Variants in TGFB2 observed in about 807,000 individuals in gnomAD.
TGFB2 encodes transforming growth factor beta 2, also known as transforming growth factor beta-2 proprotein.
Under a neutral mutation model 42.7 loss-of-function variants are expected in TGFB2, and 13 were observed. The ratio of observed to expected loss-of-function variants is 0.30; its 90% CI spans 0.20 to 0.48. TGFB2 has a LOEUF of 0.48. Among genes scored for constraint, TGFB2 ranks in the 20% least tolerant of loss-of-function variants. TGFB2 has a pLI of 0.99. For synonymous variants in TGFB2, 193 were observed against 193.6 expected (o/e 1.00, Z 0.03); for missense variants, 390 against 517.5 (o/e 0.75, Z 2.39).
chr1:218,368,696 T>G (rs1236091381), intron 1 of TGFB2, among the ~76,000 whole-genome samples: 2 of 152,208 alleles, frequency 1.3e-5, no homozygotes, highest in East Asian at 3.9e-4. Context: ...AGGGAGTGCA[T>G]GTAAGCAGAC....
chr1:218,370,084 A>G (rs777322656), intron 1 of TGFB2, among the ~76,000 whole-genome samples: 2 of 152,220 alleles, frequency 1.3e-5, no homozygotes, highest in Non-Finnish European at 2.9e-5. Context: ...GGGAGCCTGC[A>G]CTTAGTGAGG....
At chr1:218,417,123 G>A (rs1045002326) in intron 2 of TGFB2, among the ~76,000 whole-genome samples, 5 of 152,224 alleles carry the variant, frequency 3.3e-5, no homozygotes, top group Non-Finnish European at 7.3e-5. Context: ...TGGGTAACGA[G>A]CAGAGGTTAA....
At chr1:218,374,550 C>T (rs1657680751) in intron 1 of TGFB2, among the ~76,000 whole-genome samples, 1 of 152,186 alleles carries the variant, frequency 6.6e-6, no homozygotes, top group African/African-American at 2.4e-5. Context: ...CTAAACATAG[C>T]AATATTAGTA....
chr1:218,358,832 G>A (rs947829259), intron 1 of TGFB2, among the ~76,000 whole-genome samples: 1 of 151,998 alleles, frequency 6.6e-6, no homozygotes, highest in South Asian at 2.1e-4. Context: ...GTGAGCCACC[G>A]CACCCAGCAG....
At chr1:218,371,604 C>A (rs1266930883) in intron 1 of TGFB2, among the ~76,000 whole-genome samples, 1 of 152,104 alleles carries the variant, frequency 6.6e-6, no homozygotes, top group Non-Finnish European at 1.5e-5. Context: ...TTATGTATGT[C>A]CGGCAGACTC....
At position 218,441,269 on chromosome 1, in the gene TGFB2, T is replaced by C. The variant is rs1273436700; in HGVS notation, c.1152T>C (p.Asp384=). Residue 384 remains aspartate (D), a synonymous_variant, in exon 7 of 7, where the codon GAT becomes GAC. Coordinates refer to ENST00000366930, the MANE Select transcript of TGFB2 (RefSeq NM_003238.6). ...ASASPCCVSQ[D]LEPLTILYYI... ...CTTCTCCTTGCTGCGTGTCCCAAGATTTAGAACCTCTAACCATTCTCTACT... is the reference window on the plus strand; with the variant it reads ...CTTCTCCTTGCTGCGTGTCCCAAGACTTAGAACCTCTAACCATTCTCTACT... 2 of 1,613,840 alleles carry C rather than the reference T, an allele frequency of 1.2e-6. No individual in the cohort carries two copies. The highest frequency in any genetic ancestry group is 2.7e-5 in the African/African-American group (2 of 74,918).
chr1:218,395,411 G>C (rs1252138869), intron 1 of TGFB2, among the ~76,000 whole-genome samples: 1 of 152,100 alleles, frequency 6.6e-6, no homozygotes, highest in Non-Finnish European at 1.5e-5. Flanking sequence ...TATTTTATTT[G>C]TATTTTGTTG....
intron 1 of TGFB2, among the ~76,000 whole-genome samples, chr1:218,379,467 T>C (rs975552649): frequency 8.0e-6 from 1 of 124,412 alleles, no homozygotes; most frequent in African/African-American, 2.9e-5. Context: ...TTTTATTTCT[T>C]TTTCTTTCTT....
At chr1:218,358,557 T>TC (rs1657109725) in intron 1 of TGFB2, among the ~76,000 whole-genome samples, 1 of 150,546 alleles carries the variant, frequency 6.6e-6, no homozygotes, top group Non-Finnish European at 1.5e-5. Context: ...TCTTTTTTTT[T>TC]TTTTTTTTTG....
chr1:218,422,246 C>A (rs1489853668), intron 2 of TGFB2, among the ~76,000 whole-genome samples: 3 of 150,398 alleles, frequency 2.0e-5, no homozygotes, highest in African/African-American at 7.4e-5. Flanking sequence ...TTGACAGAGT[C>A]TCGCTCTGTC....
intron 2 of TGFB2, among the ~76,000 whole-genome samples, chr1:218,415,563 C>T (rs940216649): frequency 7.2e-5 from 11 of 151,774 alleles, no homozygotes; most frequent in African/African-American, 1.2e-4. Flanking sequence ...GGCGTGGTGG[C>T]GGGCGCCTGT....
chr1:218,379,341 C>T (rs1275424272), intron 1 of TGFB2, among the ~76,000 whole-genome samples: 5 of 151,724 alleles, frequency 3.3e-5, no homozygotes, highest in Non-Finnish European at 7.4e-5. Flanking sequence ...CACCGTGGTT[C>T]GCCAGGATGG....
rs575909750 is a variant in TGFB2, at chr1:218,388,079, C to G, written c.347-17090C>G. Among the ~76,000 whole-genome samples, 78 of 152,190 alleles carry G rather than the reference C, an allele frequency of 5.1e-4. 1 individual carries two copies. In the South Asian group the frequency reaches 0.016, roughly 32 times the overall value. On this transcript the variant is annotated intron_variant, in intron 1 of 6. Transcript: ENST00000366930. ...ACCTGTGCACCCACAGAGGAATGGA[C>G]GTGGAATTAGGCATAGTATATAATT...
chr1:218,363,542 G>A, intron 1 of TGFB2: 2 of 929,916 alleles, frequency 2.2e-6, no homozygotes, highest in South Asian at 1.6e-5. Flanking sequence ...CCTTGTACCT[G>A]AGCGATCACA....
intron 2 of TGFB2, among the ~76,000 whole-genome samples, chr1:218,405,928 G>T (rs1658896990): frequency 6.6e-6 from 1 of 152,116 alleles, no homozygotes; most frequent in Non-Finnish European, 1.5e-5. Context: ...AGAGGGTTTG[G>T]TTCCAGAAGT....
intron 1 of TGFB2, among the ~76,000 whole-genome samples, chr1:218,357,085 G>T (rs1390046863): frequency 6.6e-6 from 1 of 151,990 alleles, no homozygotes; most frequent in African/African-American, 2.4e-5. Context: ...GGTGGTAGGC[G>T]CCTGTAATCC....
chr1:218,401,296 T>C (rs777623955), intron 1 of TGFB2, among the ~76,000 whole-genome samples: 7 of 152,234 alleles, frequency 4.6e-5, no homozygotes, highest in Non-Finnish European at 1.0e-4. Context: ...ACTGTTACTT[T>C]GGAAATTAGT....
intron 1 of TGFB2, among the ~76,000 whole-genome samples, chr1:218,396,554 A>G (rs1474729761): frequency 6.7e-6 from 1 of 150,098 alleles, no homozygotes; most frequent in Non-Finnish European, 1.5e-5. Context: ...TTTTTTTTTT[A>G]ATCTTCTAAA....
intron 1 of TGFB2, among the ~76,000 whole-genome samples, chr1:218,385,455 C>G (rs554836135): frequency 1.3e-5 from 2 of 152,208 alleles, no homozygotes; most frequent in Non-Finnish European, 2.9e-5. Context: ...CAAAGTAACA[C>G]GACTTCAGAG....
Sources: allele counts gnomAD v4.1 joint callset (sites outside exome capture counted in the v4.1 genomes callset), GRCh38; gene constraint gnomAD v4.1.1; transcripts MANE v1.5; gene names NCBI Gene and HGNC (gene_info 2026-07-23, HGNC 2026-07-21).